The following CCDC171 variants were observed in gnomAD, a reference collection of about 807,000 sequenced individuals.
CCDC171 encodes the protein coiled-coil domain containing 171, also known as coiled-coil domain-containing protein 171.
A neutral mutation model predicts 168.2 loss-of-function variants in CCDC171; 177 were observed. The observed-to-expected ratio is 1.05, with a 90% CI of 0.93 to 1.19. The LOEUF is 1.19. Among genes scored for constraint, CCDC171 ranks in the 50% most tolerant of loss-of-function variants. CCDC171 has a pLI of 0.00. For missense variants in CCDC171, 1,991 were observed against 1,539.0 expected, an observed-to-expected ratio of 1.29 and a Z score of -4.91; for synonymous variants, 687 against 540.8, an observed-to-expected ratio of 1.27 and a Z score of -3.75.
intron 9 of CCDC171, 55 bp from the exon 10 acceptor site, chr9:15,678,703 T>G (rs2049818969): frequency 1.4e-6 from 2 of 1,446,724 alleles, no homozygotes; most frequent in Non-Finnish European, 1.9e-6. Flanking sequence ...AGGTGTGTAA[T>G]ATCAGTTGAT....
chr9:15,618,195 T>C (rs559254349), intron 6 of CCDC171, among the ~76,000 whole-genome samples: 1 of 152,316 alleles, frequency 6.6e-6, no homozygotes, highest in African/African-American at 2.4e-5. Flanking sequence ...ACTGAACTGC[T>C]GCATATCCTG....
At chr9:15,567,477 G>A (rs886116393) in intron 2 of CCDC171, among the ~76,000 whole-genome samples, 1 of 152,168 alleles carries the variant, frequency 6.6e-6, no homozygotes, top group Admixed American at 6.5e-5. Flanking sequence ...CTGCAAAAAT[G>A]TCTGTTGGGG....
intron 24 of CCDC171, among the ~76,000 whole-genome samples, chr9:15,882,358 G>T (rs1276990606): frequency 6.6e-6 from 1 of 152,128 alleles, no homozygotes; most frequent in Non-Finnish European, 1.5e-5. Context: ...TCAGATGGAC[G>T]ATTTGCGAGT....
chr9:15,958,086 A>G (rs1482018723), intron 25 of CCDC171, among the ~76,000 whole-genome samples: 2 of 152,130 alleles, frequency 1.3e-5, no homozygotes, highest in African/African-American at 2.4e-5. Flanking sequence ...TAGAATATGG[A>G]TTAGAATAAG....
In CCDC171 at chr9:15,623,254, A is replaced by T. The variant is rs774049935; in HGVS notation, c.676-13A>T. On this transcript the variant is annotated splice_polypyrimidine_tract_variant and intron_variant, in intron 6 of 25. Transcript: ENST00000380701. ...TATAAACTTTATTGATGCAAAAATG[A>T]ATTATTTTCCAGGAGCAAGATACTG... The T allele has an allele frequency of 1.4e-5, 22 of 1,544,716 alleles. No individual in the cohort carries two copies. The East Asian group carries it at 5.1e-4, about 36-fold the overall frequency.
chr9:15,619,941 T>C (rs952746260), intron 6 of CCDC171, among the ~76,000 whole-genome samples: 6 of 152,190 alleles, frequency 3.9e-5, no homozygotes, highest in African/African-American at 1.4e-4. Flanking sequence ...CTGTGCTCTA[T>C]AAATGGGACA....
rs764161319 is a variant in CCDC171, at chr9:15,678,878, A to G, written c.1197A>G (p.Leu399=). ...LQYNEKSCSE[L]QEELVMAKKH... ...ATAATGAAAAAAGTTGCAGTGAATT[A>G]CAGGAAGAACTAGTAATGGTAAGGA... The change falls in exon 10 of 26, where the codon TTA becomes TTG. Residue 399 remains leucine, a synonymous_variant. Transcript: ENST00000380701. The G allele has an allele frequency of 5.0e-6, 8 of 1,587,222 alleles. No homozygotes were observed. The East Asian group carries it at 1.6e-4, about 31-fold the overall frequency.
chr9:15,675,187 G>GT (rs138989790), intron 9 of CCDC171, among the ~76,000 whole-genome samples: 55,106 of 75,746 alleles, frequency 0.73, 20,912 homozygotes, highest in East Asian at 0.84. Flanking sequence ...TGCAACTCCT[G>GT]TTTTTTTTTT....
At chr9:15,591,590 T>A in intron 5 of CCDC171, 34 bp downstream of exon 5, 1 of 1,191,594 alleles carries the variant, frequency 8.4e-7, no homozygotes, top group Non-Finnish European at 1.2e-6. Context: ...TTTTCCGATA[T>A]GTAATATTCA....
At chr9:16,071,775 G>T in the CCDC171 span, among the ~76,000 whole-genome samples, 2 of 152,062 alleles carry the variant, frequency 1.3e-5, no homozygotes, top group Non-Finnish European at 2.9e-5. Context: ...TTTCTCTTCT[G>T]TATGTTGTTT....
the CCDC171 span, among the ~76,000 whole-genome samples, chr9:16,101,250 C>G: frequency 1.3e-5 from 2 of 152,182 alleles, no homozygotes; most frequent in Non-Finnish European, 2.9e-5. Context: ...ACAGGGCACC[C>G]AGTTAAATTT....
intron 23 of CCDC171, among the ~76,000 whole-genome samples, chr9:15,858,919 A>G (rs2061443595): frequency 6.6e-6 from 1 of 152,210 alleles, no homozygotes; most frequent in East Asian, 1.9e-4. Flanking sequence ...ATTCAGTGAT[A>G]TGTTGAATAC....
intron 21 of CCDC171, among the ~76,000 whole-genome samples, chr9:15,809,686 A>G (rs955606347): frequency 6.6e-6 from 1 of 152,148 alleles, no homozygotes; most frequent in African/African-American, 2.4e-5. Context: ...TCAGGAGTGA[A>G]GCTGCAGACC....
chr9:15,593,016 C>T (rs1307254253), intron 5 of CCDC171, among the ~76,000 whole-genome samples: 2 of 151,886 alleles, frequency 1.3e-5, no homozygotes, highest in Admixed American at 1.3e-4. Context: ...AATGCTATCC[C>T]TCCCCACTCC....
intron 21 of CCDC171, among the ~76,000 whole-genome samples, chr9:15,800,687 C>T (rs1407662421): frequency 6.6e-6 from 1 of 151,902 alleles, no homozygotes; most frequent in Non-Finnish European, 1.5e-5. Flanking sequence ...ATTTTTTGCC[C>T]AAACCAATTT....
At position 15,771,766 on chromosome 9, in the gene CCDC171, G is replaced by C. The variant is rs1042823609; in HGVS notation, c.2672-5834G>C. Reference sequence around the variant, plus strand: ...GATACATTAAATCTTGAGTTTATCTGGAATTATTTTTCCTGTAAATAGTGA... The same window carrying C: ...GATACATTAAATCTTGAGTTTATCTCGAATTATTTTTCCTGTAAATAGTGA... On this transcript the variant is annotated intron_variant, in intron 18 of 25. Coordinates refer to ENST00000380701, the MANE Select transcript of CCDC171 (RefSeq NM_173550.4). Among the ~76,000 whole-genome samples, 9 of 152,180 alleles carry C rather than the reference G, an allele frequency of 5.9e-5. No homozygotes were observed. In the East Asian group the frequency reaches 1.7e-3, roughly 29 times the overall value.
intron 21 of CCDC171, among the ~76,000 whole-genome samples, chr9:15,822,384 G>C (rs1464097890): frequency 6.6e-6 from 1 of 151,492 alleles, no homozygotes; most frequent in African/African-American, 2.4e-5. Flanking sequence ...ACTACCATCA[G>C]AGTGAACAGG....
At chr9:16,062,686 T>C (rs1564140895), downstream of CCDC171, among the ~76,000 whole-genome samples, 1 of 152,228 alleles carries the variant, frequency 6.6e-6, no homozygotes, top group African/African-American at 2.4e-5. Flanking sequence ...TGGTACACAC[T>C]TCAGATACAG....
rs762461369 is a variant in CCDC171, at chr9:15,972,825, G to C, written c.*989G>C. On this transcript the variant is annotated 3_prime_UTR_variant, in exon 26 of 26. Transcript: ENST00000380701. ...ATTGTATGTCAGGCCGAGATGTCGG[G>C]GAGCTGACAAGATGCCCCAGTGACA... The C allele has an allele frequency of 5.3e-5, 8 of 152,130 alleles. No individual in the cohort carries two copies. Among genetic ancestry groups the C allele is most frequent in the Non-Finnish European group, 7.4e-5 (5 of 68,022 alleles). The allele number at this position is 152,130 out of a possible 1,614,324, so 9.4% of individuals were successfully genotyped here.
Sources: gnomAD v4.1 joint callset for allele counts (sites outside exome capture counted in the v4.1 genomes callset) on GRCh38, gnomAD v4.1.1 for gene constraint, MANE v1.5 for transcripts, NCBI Gene and HGNC (gene_info 2026-07-23, HGNC 2026-07-21) for gene names.